The following GHR variants were observed in gnomAD, a reference collection of about 807,000 sequenced individuals.
GHR encodes the protein GH receptor.
Under a neutral mutation model 67.1 loss-of-function variants are expected in GHR, and 35 were observed. That is an observed-to-expected ratio of 0.52 (90% confidence interval 0.40 to 0.69). The LOEUF is 0.69. Ranked by LOEUF, GHR falls within the 30% of genes least tolerant of loss-of-function variation. The pLI, the probability that GHR is intolerant of heterozygous loss-of-function variation, is 0.00. For missense variants in GHR, 792 were observed against 764.6 expected, an observed-to-expected ratio of 1.04 and a Z score of -0.42; for synonymous variants, 272 against 269.1, an observed-to-expected ratio of 1.01 and a Z score of -0.10.
At chr5:42,457,120 C>T (rs905815517) in intron 1 of GHR, among the ~76,000 whole-genome samples, 8 of 152,126 alleles carry the variant, frequency 5.3e-5, no homozygotes, top group Non-Finnish European at 1.0e-4. Context: ...TTCTTCCCTT[C>T]GCTTCTCTGT....
chr5:42,484,440 G>A, intron 1 of GHR, among the ~76,000 whole-genome samples: 1 of 152,212 alleles, frequency 6.6e-6, no homozygotes, highest in East Asian at 1.9e-4. Context: ...TTTTCCAGAA[G>A]AGGGAGGTAT....
chr5:42,505,122 G>GTTTTTTTT (rs35690685), intron 1 of GHR, among the ~76,000 whole-genome samples: 4 of 134,894 alleles, frequency 3.0e-5, no homozygotes, highest in Non-Finnish European at 3.2e-5. Flanking sequence ...GCTGTTGACT[G>GTTTTTTTT]TTTTTTTTTT....
chr5:42,607,685 A>G (rs1443073267), intron 2 of GHR, among the ~76,000 whole-genome samples: 1 of 152,170 alleles, frequency 6.6e-6, no homozygotes, highest in Non-Finnish European at 1.5e-5. Context: ...GAAGAGAAGG[A>G]ACTTGATTTG....
At chr5:42,500,613 T>C (rs1746501854) in intron 1 of GHR, among the ~76,000 whole-genome samples, 1 of 152,216 alleles carries the variant, frequency 6.6e-6, no homozygotes, top group Non-Finnish European at 1.5e-5. Context: ...TATAAAATGA[T>C]GGGAGAGTGC....
At chr5:42,556,057 ACT>A (rs1244717739) in intron 1 of GHR, among the ~76,000 whole-genome samples, 4 of 152,044 alleles carry the variant, frequency 2.6e-5, no homozygotes, top group Admixed American at 1.3e-4. Flanking sequence ...ACATTGCCTC[ACT>A]CTTGGTTTCC....
chr5:42,641,129 C>T (rs1754451363), intron 3 of GHR, among the ~76,000 whole-genome samples: 1 of 152,042 alleles, frequency 6.6e-6, no homozygotes, highest in Non-Finnish European at 1.5e-5. Context: ...CCTTTCCTTC[C>T]TCCTTCCCCT....
At chr5:42,615,714 A>G (rs1373433115) in intron 2 of GHR, among the ~76,000 whole-genome samples, 2 of 149,654 alleles carry the variant, frequency 1.3e-5, no homozygotes, top group Non-Finnish European at 3.0e-5. Flanking sequence ...GCATCATAGC[A>G]GTAGAAATTT....
intron 2 of GHR, among the ~76,000 whole-genome samples, chr5:42,592,417 A>G (rs762765470): frequency 6.6e-6 from 1 of 152,164 alleles, no homozygotes; most frequent in Non-Finnish European, 1.5e-5. Context: ...CCCGCCTCCC[A>G]TCCTCCACCC....
chr5:42,656,328 T>C (rs1382252826), intron 3 of GHR, among the ~76,000 whole-genome samples: 1 of 152,210 alleles, frequency 6.6e-6, no homozygotes, highest in Non-Finnish European at 1.5e-5. Flanking sequence ...TAGTATCTTC[T>C]CATTACCCAG....
intron 1 of GHR, among the ~76,000 whole-genome samples, chr5:42,530,611 A>G (rs1014823494): frequency 6.6e-6 from 1 of 152,172 alleles, no homozygotes. Context: ...TACAAGTAAC[A>G]AGCTTAATTT....
At chr5:42,703,149 GC>G (rs1758012236) in intron 6 of GHR, among the ~76,000 whole-genome samples, 1 of 151,982 alleles carries the variant, frequency 6.6e-6, no homozygotes, top group South Asian at 2.1e-4. Context: ...ATGTCATGGA[GC>G]TTTTTCCTAT....
chr5:42,640,504 G>T (rs148614094), intron 3 of GHR, among the ~76,000 whole-genome samples: 219 of 152,172 alleles, frequency 1.4e-3, no homozygotes, highest in African/African-American at 4.8e-3. Context: ...TCCTGGAAGA[G>T]TAGGACTTGC....
At chr5:42,451,302 G>T (rs1744036494) in intron 1 of GHR, among the ~76,000 whole-genome samples, 1 of 151,744 alleles carries the variant, frequency 6.6e-6, no homozygotes, top group Admixed American at 6.6e-5. Context: ...TTATTAATTT[G>T]GGAGCTCCAC....
chr5:42,665,511 C>A (rs530938964), intron 3 of GHR, among the ~76,000 whole-genome samples: 8 of 151,946 alleles, frequency 5.3e-5, no homozygotes, highest in Non-Finnish European at 1.2e-4. Flanking sequence ...AAACCAAACA[C>A]CGCATATTCT....
In GHR at chr5:42,717,984, A is replaced by G. The variant is rs940540036; in HGVS notation, c.876-68A>G. 5 of 790,044 alleles carry G rather than the reference A, an allele frequency of 6.3e-6. No homozygotes were observed. In the African/African-American group the frequency reaches 7.1e-5, roughly 11 times the overall value. 48.9% of individuals were successfully genotyped at this position (790,044 alleles called of 1,614,324 possible). A position where few individuals can be genotyped will look rare whatever the true frequency, so the allele number is the denominator to read the frequency against. ...ATAGTATTGCCAATATTTTATTTCT[A>G]TCTTTTGCTATAATTGAGAATATGT... On this transcript the variant is annotated intron_variant, in intron 8 of 9. Transcript: ENST00000230882.
At chr5:42,536,274 C>T (rs1748253435) in intron 1 of GHR, among the ~76,000 whole-genome samples, 1 of 152,116 alleles carries the variant, frequency 6.6e-6, no homozygotes, top group Admixed American at 6.6e-5. Context: ...AACTTTTCCC[C>T]ATTCAGTATT....
intron 1 of GHR, among the ~76,000 whole-genome samples, chr5:42,559,884 T>G (rs1749508200): frequency 6.6e-6 from 1 of 152,234 alleles, no homozygotes; most frequent in African/African-American, 2.4e-5. Context: ...CTGGTGCTAA[T>G]GAAAACCAGC....
At chr5:42,700,538 G>A (rs1291811189) in intron 6 of GHR, among the ~76,000 whole-genome samples, 1 of 152,154 alleles carries the variant, frequency 6.6e-6, no homozygotes, top group African/African-American at 2.4e-5. Context: ...TAGAGAGCAT[G>A]GTACCAGTTG....
At chr5:42,547,486 T>A (rs1748791157) in intron 1 of GHR, among the ~76,000 whole-genome samples, 2 of 152,186 alleles carry the variant, frequency 1.3e-5, no homozygotes, top group Non-Finnish European at 2.9e-5. Flanking sequence ...GTTTTTTTTT[T>A]ATGTCACCCG....
Sources: allele counts gnomAD v4.1 joint callset (sites outside exome capture counted in the v4.1 genomes callset), GRCh38; gene constraint gnomAD v4.1.1; transcripts MANE v1.5; gene names NCBI Gene and HGNC (gene_info 2026-07-23, HGNC 2026-07-21).